Variants in ATG7 observed in about 807,000 individuals in gnomAD.
ATG7 encodes the protein ubiquitin-like modifier-activating enzyme ATG7.
In ATG7, 70 loss-of-function variants were observed where a neutral mutation model predicts 82.4. That is an observed-to-expected ratio of 0.85 (90% CI 0.70 to 1.04). The LOEUF (loss-of-function observed/expected upper bound fraction) is 1.04, where lower values mean the gene tolerates loss of function less well. Among genes scored for constraint, ATG7 ranks in the 50% least tolerant of loss-of-function variants. The pLI is 0.00. For missense variants in ATG7, 792 were observed against 864.3 expected (o/e 0.92, Z 1.05); for synonymous variants, 287 against 313.0 (o/e 0.92, Z 0.88).
chr3:11,333,387 C>G (rs1278505587), intron 11 of ATG7, among the ~76,000 whole-genome samples: 5 of 152,122 alleles, frequency 3.3e-5, no homozygotes, highest in Admixed American at 3.3e-4. Flanking sequence ...AACACAAAAT[C>G]TTTATTCCTG....
At chr3:11,392,459 T>TAAA (rs1225821610) in intron 19 of ATG7, among the ~76,000 whole-genome samples, 2 of 104,068 alleles carry the variant, frequency 1.9e-5, no homozygotes, top group Non-Finnish European at 4.7e-5. Flanking sequence ...GGGAAATCAT[T>TAAA]AAAAAAACAA....
intron 20 of ATG7, among the ~76,000 whole-genome samples, chr3:11,520,797 G>A (rs1350822760): frequency 6.6e-6 from 1 of 152,144 alleles, no homozygotes; most frequent in Non-Finnish European, 1.5e-5. Flanking sequence ...CATTATGTCA[G>A]CATTTAATAA....
intron 20 of ATG7, among the ~76,000 whole-genome samples, chr3:11,519,514 T>C (rs1299138556): frequency 6.9e-6 from 1 of 144,004 alleles, no homozygotes; most frequent in Non-Finnish European, 1.5e-5. Flanking sequence ...TTTGCTGTCA[T>C]CATGAAAGGC....
At chr3:11,465,949 A>G (rs776576235) in intron 20 of ATG7, among the ~76,000 whole-genome samples, 35 of 152,196 alleles carry the variant, frequency 2.3e-4, no homozygotes, top group Non-Finnish European at 7.3e-5. Context: ...CTCTGGATCA[A>G]TATTCTGAAA....
intron 12 of ATG7, among the ~76,000 whole-genome samples, chr3:11,341,115 A>G (rs992797153): frequency 5.3e-5 from 8 of 151,254 alleles, no homozygotes; most frequent in Non-Finnish European, 1.2e-4. Flanking sequence ...AGGCTGGAAT[A>G]CAATGGCGCA....
intron 20 of ATG7, among the ~76,000 whole-genome samples, chr3:11,541,037 C>T (rs1465170423): frequency 4.6e-5 from 7 of 151,750 alleles, no homozygotes; most frequent in African/African-American, 7.3e-5. Flanking sequence ...GTAGCTGGGA[C>T]TACAGGTGCC....
chr3:11,380,071 G>C lies in ATG7; in HGVS notation c.1956+19G>C. The C allele has an allele frequency of 6.2e-7, 1 of 1,609,948 alleles. No individual in the cohort carries two copies. The highest frequency in any genetic ancestry group is 8.5e-7 in the Non-Finnish European group (1 of 1,176,204). On this transcript the variant is annotated intron_variant, in intron 19 of 20. Coordinates refer to ENST00000693202, the MANE Select transcript of ATG7 (RefSeq NM_001349232.2). The stretch of plus-strand genomic sequence containing the variant: ...TTCCAAAGTAAGTCATTTTGTATTG[G>C]AGGGACTTGTTTTTAAAAGTGAGCG...
intron 20 of ATG7, among the ~76,000 whole-genome samples, chr3:11,475,868 G>GAGACACACACACACAC (rs1553687236): frequency 6.3e-5 from 7 of 111,128 alleles, no homozygotes; most frequent in Admixed American, 6.1e-4. Context: ...CTGTCTCTGA[G>GAGACACACACACACAC]ACACACACAC....
chr3:11,309,505 T>C (rs145344572), intron 7 of ATG7, among the ~76,000 whole-genome samples: 163 of 152,170 alleles, frequency 1.1e-3, no homozygotes, highest in African/African-American at 3.6e-3. Context: ...AAGCGAAATC[T>C]AATTAAAATG....
intron 18 of ATG7, 131 bp from the exon 19 acceptor site, chr3:11,379,840 AT>A: frequency 2.4e-6 from 2 of 830,240 alleles, no homozygotes; most frequent in Non-Finnish European, 4.0e-6. Flanking sequence ...TTTCGAACTT[AT>A]TTTTGCTCAT....
the ATG7 span, among the ~76,000 whole-genome samples, chr3:11,567,392 C>T: frequency 6.6e-6 from 1 of 151,986 alleles, no homozygotes; most frequent in Admixed American, 6.6e-5. Context: ...TTTTTTCTTC[C>T]CCTTTATTTT....
At chr3:11,517,339 C>CA (rs201459450) in intron 20 of ATG7, among the ~76,000 whole-genome samples, 3,493 of 112,174 alleles carry the variant, frequency 0.031, 71 homozygotes, top group African/African-American at 0.066. Flanking sequence ...GACTCCACCT[C>CA]AAAAAAAAAA....
At chr3:11,365,218 A>T (rs7643980) in intron 18 of ATG7, among the ~76,000 whole-genome samples, 2 of 152,176 alleles carry the variant, frequency 1.3e-5, no homozygotes, top group African/African-American at 4.8e-5. Context: ...GGCCCTCAAC[A>T]AACAATGCCT....
the ATG7 span, among the ~76,000 whole-genome samples, chr3:11,564,266 TC>T: frequency 6.6e-6 from 1 of 152,110 alleles, no homozygotes; most frequent in Non-Finnish European, 1.5e-5. Flanking sequence ...TAGAAAAAAA[TC>T]CCTATGTACC....
At chr3:11,383,510 T>G (rs988978598) in intron 19 of ATG7, among the ~76,000 whole-genome samples, 2 of 152,176 alleles carry the variant, frequency 1.3e-5, no homozygotes, top group African/African-American at 4.8e-5. Context: ...AAACCTGCAA[T>G]CTCGGCTCAC....
intron 19 of ATG7, among the ~76,000 whole-genome samples, chr3:11,396,239 G>C (rs1179853776): frequency 6.6e-6 from 1 of 152,216 alleles, no homozygotes; most frequent in South Asian, 2.1e-4. Context: ...TTGAGGTCAA[G>C]AATTTGAGAC....
intron 18 of ATG7, among the ~76,000 whole-genome samples, chr3:11,379,639 A>T (rs1200967700): frequency 6.6e-6 from 1 of 152,198 alleles, no homozygotes; most frequent in Non-Finnish European, 1.5e-5. Context: ...ATACCAGTGG[A>T]CCTGTTCAAC....
At chr3:11,417,933 G>A (rs1237257059) in intron 19 of ATG7, among the ~76,000 whole-genome samples, 5 of 149,750 alleles carry the variant, frequency 3.3e-5, no homozygotes, top group Non-Finnish European at 7.4e-5. Flanking sequence ...TCAGCCTCCC[G>A]AGTAGCTGGG....
At chr3:11,434,859 CAG>C (rs538441184) in intron 20 of ATG7, among the ~76,000 whole-genome samples, 57 of 152,290 alleles carry the variant, frequency 3.7e-4, no homozygotes, top group Admixed American at 3.6e-3. Flanking sequence ...TATTAGGAAA[CAG>C]AACATGGGAA....
Sources: allele counts gnomAD v4.1 joint callset (sites outside exome capture counted in the v4.1 genomes callset), GRCh38; gene constraint gnomAD v4.1.1; transcripts MANE v1.5; gene names NCBI Gene and HGNC (gene_info 2026-07-23, HGNC 2026-07-21).